The following CPNE4 variants were observed in gnomAD, a reference collection of about 807,000 sequenced individuals.
CPNE4 encodes the protein copine 4, also known as copine-4.
In CPNE4, 25 loss-of-function variants were observed where a neutral mutation model predicts 67.9. The observed-to-expected ratio is 0.37, with a 90% confidence interval of 0.27 to 0.51. The LOEUF (loss-of-function observed/expected upper bound fraction) is 0.51. Ranked by LOEUF, CPNE4 falls within the 20% of genes least tolerant of loss-of-function variation. The pLI, the probability that CPNE4 is intolerant of heterozygous loss-of-function variation, is 0.93. For missense variants in CPNE4, 464 were observed against 690.8 expected, an observed-to-expected ratio of 0.67 and a Z score of 3.68; for synonymous variants, 242 against 244.9, an observed-to-expected ratio of 0.99 and a Z score of 0.11.
chr3:131,740,383 T>A (rs1259706781), intron 2 of CPNE4, among the ~76,000 whole-genome samples: 4 of 152,206 alleles, frequency 2.6e-5, no homozygotes, highest in Admixed American at 6.5e-5. Flanking sequence ...CCTGAACATC[T>A]TTTGAGGCAG....
intron 2 of CPNE4, among the ~76,000 whole-genome samples, chr3:131,849,007 T>C (rs182704809): frequency 4.8e-4 from 71 of 148,360 alleles, no homozygotes; most frequent in African/African-American, 1.7e-3. Context: ...CCACCTCCTC[T>C]TTCTGTTTTA....
chr3:131,792,687 G>GTGTATATATACATATATACACACGTGTA (rs1553772262), intron 2 of CPNE4, among the ~76,000 whole-genome samples: 2 of 46,524 alleles, frequency 4.3e-5, no homozygotes, highest in East Asian at 5.8e-4. Context: ...ATACACACGT[G>GTGTATATATACATATATACACACGTGTA]TATATATACA....
chr3:132,025,803 T>C (rs2074103068), intron 1 of CPNE4, among the ~76,000 whole-genome samples: 1 of 152,186 alleles, frequency 6.6e-6, no homozygotes. Context: ...AATTCAAACC[T>C]AGGAATTCCT....
Position 131,760,516 on chromosome 3 carries a change from G to A in CPNE4, c.181-36891C>T, listed in dbSNP as rs562034977. ...AAACTCAGGTTCCCATGTAACGTGT[G>A]TCTATGCTTTACTTTAGGAGGTCAT... is the stretch of plus-strand genomic sequence containing the variant. On this transcript the variant is annotated intron_variant, in intron 2 of 15. Coordinates refer to ENST00000429747, the MANE Select transcript of CPNE4 (RefSeq NM_130808.3). Among the ~76,000 whole-genome samples, 3 of 152,264 alleles carry A rather than the reference G, an allele frequency of 2.0e-5. No individual in the cohort carries two copies. The South Asian group carries it at 6.2e-4, about 32-fold the overall frequency.
rs1210876584 is a variant in CPNE4, at chr3:131,563,244, T to G, written c.1061+972A>C. ...TGAAACCTAAAGGATGGAGTTACTT[T>G]CTTTATTTTCCTGGTTTGAAAGGTC... On this transcript the variant is annotated intron_variant, in intron 11 of 15. Coordinates refer to ENST00000429747, the MANE Select transcript of CPNE4 (RefSeq NM_130808.3). Among the ~76,000 whole-genome samples the G allele has an allele frequency of 3.3e-5, 5 of 152,188 alleles. No individual in the cohort carries two copies. The East Asian group carries it at 7.8e-4, about 24-fold the overall frequency.
At chr3:131,632,660 A>G (rs2079260701) in intron 7 of CPNE4, among the ~76,000 whole-genome samples, 1 of 152,138 alleles carries the variant, frequency 6.6e-6, no homozygotes, top group Non-Finnish European at 1.5e-5. Flanking sequence ...ATTACTAGAC[A>G]CACACCTTAG....
upstream of CPNE4, chr3:132,037,411 G>A: frequency 1.6e-6 from 1 of 642,264 alleles, no homozygotes; most frequent in Non-Finnish European, 2.7e-6. Flanking sequence ...CCTCTTATAT[G>A]AAATCAACAG....
At chr3:131,764,975 T>C (rs1302392273) in intron 2 of CPNE4, among the ~76,000 whole-genome samples, 1 of 152,106 alleles carries the variant, frequency 6.6e-6, no homozygotes, top group Admixed American at 6.6e-5. Context: ...AAATCCAGGA[T>C]ACCAGTGGAT....
intron 2 of CPNE4, among the ~76,000 whole-genome samples, chr3:131,895,227 G>C (rs2088280653): frequency 1.3e-5 from 2 of 152,024 alleles, no homozygotes; most frequent in African/African-American, 4.8e-5. Context: ...GGAGAGAGGA[G>C]TGGATGAGAT....
chr3:131,797,653 G>A (rs1206365107), intron 2 of CPNE4, among the ~76,000 whole-genome samples: 1 of 152,176 alleles, frequency 6.6e-6, no homozygotes, highest in African/African-American at 2.4e-5. Context: ...ACAAGGCTGG[G>A]TTAAGTATTA....
chr3:131,846,537 G>C (rs969221694), intron 2 of CPNE4, among the ~76,000 whole-genome samples: 2 of 152,160 alleles, frequency 1.3e-5, no homozygotes, highest in Admixed American at 6.6e-5. Flanking sequence ...GGGAAAAACT[G>C]TCTCAAAATA....
chr3:131,642,629 T>A (rs1184347980), intron 7 of CPNE4, among the ~76,000 whole-genome samples: 3 of 152,172 alleles, frequency 2.0e-5, no homozygotes, highest in Non-Finnish European at 4.4e-5. Context: ...TGGGAGGTAA[T>A]TGAATCGTGG....
At chr3:131,972,583 T>C (rs1011705699) in intron 1 of CPNE4, among the ~76,000 whole-genome samples, 11 of 152,126 alleles carry the variant, frequency 7.2e-5, no homozygotes, top group African/African-American at 2.7e-4. Flanking sequence ...AGAAGAATCA[T>C]TCAACAGTGT....
At chr3:131,953,585 C>T (rs978787566) in intron 1 of CPNE4, among the ~76,000 whole-genome samples, 2 of 152,054 alleles carry the variant, frequency 1.3e-5, no homozygotes, top group East Asian at 1.9e-4. Flanking sequence ...ATTATGGTGG[C>T]GTATTATCTT....
At chr3:131,712,692 G>A (rs113784010) in intron 3 of CPNE4, among the ~76,000 whole-genome samples, 3 of 152,222 alleles carry the variant, frequency 2.0e-5, no homozygotes, top group African/African-American at 4.8e-5. Flanking sequence ...GCCATACTAT[G>A]AATTCAGTTT....
At chr3:131,794,019 T>C (rs61490606) in intron 2 of CPNE4, among the ~76,000 whole-genome samples, 54,475 of 152,074 alleles carry the variant, frequency 0.36, 10,227 homozygotes, top group African/African-American at 0.45. Flanking sequence ...TTTATTCAAA[T>C]AATTATAATT....
chr3:131,596,304 TTA>T (rs779955842), intron 7 of CPNE4, among the ~76,000 whole-genome samples: 29 of 152,192 alleles, frequency 1.9e-4, no homozygotes, highest in Non-Finnish European at 2.2e-4. Context: ...TACACACCAA[TTA>T]TATTTCAAAA....
At chr3:132,023,779 A>T (rs9879721) in intron 1 of CPNE4, among the ~76,000 whole-genome samples, 102,167 of 152,184 alleles carry the variant, frequency 0.67, 35,110 homozygotes, top group South Asian at 0.75. Context: ...GAGCCACCGC[A>T]CCCGGCCCAG....
At chr3:132,006,481 C>T (rs113399422) in intron 1 of CPNE4, among the ~76,000 whole-genome samples, 1 of 152,152 alleles carries the variant, frequency 6.6e-6, no homozygotes, top group African/African-American at 2.4e-5. Flanking sequence ...TATCTACAGA[C>T]TGTGACATTT....
Sources: gnomAD v4.1 joint callset for allele counts (sites outside exome capture counted in the v4.1 genomes callset) on GRCh38, gnomAD v4.1.1 for gene constraint, MANE v1.5 for transcripts, NCBI Gene and HGNC (gene_info 2026-07-23, HGNC 2026-07-21) for gene names.